ZDHHC20: variants seen among roughly 807,000 people sequenced by gnomAD.
The protein encoded by ZDHHC20 is zDHHC palmitoyltransferase 20.
A neutral mutation model predicts 57.8 loss-of-function variants in ZDHHC20; 43 were observed. The observed-to-expected ratio is 0.74, with a 90% confidence interval of 0.58 to 0.96. The LOEUF is 0.96. Among genes scored for constraint, ZDHHC20 ranks in the 40% least tolerant of loss-of-function variants. The pLI is 0.00. For missense variants in ZDHHC20, 391 were observed against 441.1 expected, an observed-to-expected ratio of 0.89 and a Z score of 1.02; for synonymous variants, 157 against 153.0, an observed-to-expected ratio of 1.03 and a Z score of -0.19.
chr13:21,407,605 T>TGTGCAGAA (rs1333109209), intron 4 of ZDHHC20, among the ~76,000 whole-genome samples: 2 of 152,228 alleles, frequency 1.3e-5, no homozygotes, highest in Non-Finnish European at 2.9e-5. Context: ...TTTCTTTTGC[T>TGTGCAGAA]GTGCAGAAGC....
In ZDHHC20 at chr13:21,459,289, A is replaced by G. The variant is rs1425994324; in HGVS notation, c.-118T>C. On this transcript the variant is annotated 5_prime_UTR_variant, in exon 1 of 13. Transcript: ENST00000400590. ...GGTCCAGCTCCCCCGCCTCCGAGGC[A>G]GGACTTGTGGGAGCAAAAGTCCGAG... The G allele has an allele frequency of 2.2e-5, 16 of 718,522 alleles. No homozygotes were observed. In the East Asian group the frequency reaches 5.1e-4, roughly 23 times the overall value. 44.5% of individuals were successfully genotyped at this position (718,522 alleles called of 1,614,324 possible).
At chr13:21,376,677 A>T (rs1024135872) in intron 12 of ZDHHC20, 22 bp from the exon 13 acceptor site, 1 of 1,381,436 alleles carries the variant, frequency 7.2e-7, no homozygotes, top group East Asian at 2.7e-5. Flanking sequence ...GAAACAAATT[A>T]TTGGTTAAAA....
Position 21,391,752 on chromosome 13 carries a change from A to G in ZDHHC20, c.697T>C (p.Trp233Arg). 1 of 1,612,054 alleles carries G rather than the reference A, an allele frequency of 6.2e-7. No individual in the cohort carries two copies. Among genetic ancestry groups the G allele is most frequent in the Non-Finnish European group, 8.5e-7 (1 of 1,179,654 alleles). ...GTTGTTCTATTTTTTCCAACTAGCCAGCAGTGGTAGCTGAAAAGTGAGAGG... is the reference window on the plus strand; with the variant it reads ...GTTGTTCTATTTTTTCCAACTAGCCGGCAGTGGTAGCTGAAAAGTGAGAGG... ...SVLSLFSYHC[W>R]LVGKNRTTIE... is the part of the protein sequence containing the mutation. The change falls in exon 8 of 13, where the codon TGG becomes CGG. Residue 233 changes from tryptophan (W) to arginine (R), a missense_variant. Trp to Arg is a moderately radical substitution (Grantham distance 101). This residue lies in a region of ZDHHC20 where 197 missense variants were observed against 220.8 expected (regional missense o/e 0.89). Coordinates refer to ENST00000400590, the MANE Select transcript of ZDHHC20 (RefSeq NM_001330059.2).
rs1161776892 is a variant in ZDHHC20 at position 21,376,556 on chromosome 13, T to TA, written c.*139dup. The TA allele has an allele frequency of 1.9e-6, 2 of 1,053,580 alleles. No individual in the cohort carries two copies. Among genetic ancestry groups the TA allele is most frequent in the Admixed American group, 3.6e-5 (1 of 28,066 alleles). The allele number at this position is 1,053,580 out of a possible 1,614,324, so 65.3% of individuals were successfully genotyped here. A position where few individuals can be genotyped will look rare whatever the true frequency, so the allele number is the denominator to read the frequency against. On this transcript the variant is annotated 3_prime_UTR_variant, in exon 13 of 13. Coordinates refer to ENST00000400590, the MANE Select transcript of ZDHHC20 (RefSeq NM_001330059.2). ...GGAACTGTACAAAGGCTTTCCGTTT[T>TA]AAAAAATATATCTTCTGTTATACTT... is the stretch of plus-strand genomic sequence containing the variant.
chr13:21,425,333 T>TA (rs1248459773), intron 2 of ZDHHC20, among the ~76,000 whole-genome samples: 2 of 152,078 alleles, frequency 1.3e-5, no homozygotes, highest in Non-Finnish European at 2.9e-5. Flanking sequence ...GAACTCATAT[T>TA]AAAAAAATCT....
chr13:21,456,765 G>T (rs982372104), intron 1 of ZDHHC20, among the ~76,000 whole-genome samples: 2 of 152,300 alleles, frequency 1.3e-5, no homozygotes, highest in Non-Finnish European at 1.5e-5. Flanking sequence ...CATAGTTATA[G>T]AATGTTTTAA....
intron 1 of ZDHHC20, among the ~76,000 whole-genome samples, chr13:21,438,959 T>C (rs1414318755): frequency 6.6e-6 from 1 of 152,230 alleles, no homozygotes; most frequent in Admixed American, 6.5e-5. Flanking sequence ...TGCTAGCATT[T>C]TTTTAGCAAA....
At chr13:21,381,953 G>GA (rs757868585) in intron 10 of ZDHHC20, 3 of 520,752 alleles carry the variant, frequency 5.8e-6, no homozygotes, top group African/African-American at 1.9e-5. Context: ...GATCTAAGGG[G>GA]AAAAAATGAT....
chr13:21,431,975 A>G (rs1437656369), intron 1 of ZDHHC20, among the ~76,000 whole-genome samples: 2 of 151,926 alleles, frequency 1.3e-5, no homozygotes, highest in Non-Finnish European at 2.9e-5. Context: ...TAATTTATCA[A>G]TTTTTTTCTT....
chr13:21,407,632 A>G (rs1466691201), intron 4 of ZDHHC20, among the ~76,000 whole-genome samples: 2 of 152,172 alleles, frequency 1.3e-5, no homozygotes, highest in Non-Finnish European at 2.9e-5. Context: ...ATTAGATGCC[A>G]ATTGTCAATT....
chr13:21,403,203 T>C (rs1440447025), intron 4 of ZDHHC20, among the ~76,000 whole-genome samples: 1 of 152,132 alleles, frequency 6.6e-6, no homozygotes, highest in African/African-American at 2.4e-5. Flanking sequence ...AGTGTTTTTT[T>C]CTATTATACC....
At chr13:21,434,334 A>ACAC (rs146605033) in intron 1 of ZDHHC20, among the ~76,000 whole-genome samples, 39,260 of 151,930 alleles carry the variant, frequency 0.26, 5,770 homozygotes, top group Non-Finnish European at 0.35. Context: ...CGAGATAATG[A>ACAC]CAATAACACT....
At chr13:21,416,273 A>G (rs1879965554) in intron 3 of ZDHHC20, among the ~76,000 whole-genome samples, 1 of 152,064 alleles carries the variant, frequency 6.6e-6, no homozygotes, top group Non-Finnish European at 1.5e-5. Flanking sequence ...GAAAATTTCA[A>G]GAGACATCAG....
At chr13:21,422,597 C>T (rs1880767428) in intron 2 of ZDHHC20, among the ~76,000 whole-genome samples, 1 of 151,844 alleles carries the variant, frequency 6.6e-6, no homozygotes, top group Non-Finnish European at 1.5e-5. Context: ...CTAATTCTAG[C>T]TCCTAAAATT....
intron 1 of ZDHHC20, among the ~76,000 whole-genome samples, chr13:21,436,142 G>A (rs866428865): frequency 2.0e-5 from 3 of 152,184 alleles, no homozygotes; most frequent in East Asian, 1.9e-4. Flanking sequence ...AAAGGAATCC[G>A]TGTGATGTGG....
At chr13:21,411,840 C>G (rs1879258644) in intron 4 of ZDHHC20, among the ~76,000 whole-genome samples, 2 of 152,166 alleles carry the variant, frequency 1.3e-5, no homozygotes, top group Admixed American at 1.3e-4. Context: ...CTGCTAGATG[C>G]AGGAAATATA....
At chr13:21,448,318 T>A (rs1179547170) in intron 1 of ZDHHC20, among the ~76,000 whole-genome samples, 1 of 50,010 alleles carries the variant, frequency 2.0e-5, no homozygotes, top group Non-Finnish European at 4.5e-5. Flanking sequence ...GGGAGGGAGG[T>A]GGGGGGGTCA....
rs149773341 is a variant in ZDHHC20, at chr13:21,436,625, A to G, written c.119-10947T>C. Among the ~76,000 whole-genome samples, 319 of 152,330 alleles carry G rather than the reference A, an allele frequency of 2.1e-3. 2 individuals carry two copies. The highest frequency in any genetic ancestry group is 7.5e-3 in the African/African-American group (310 of 41,576). On this transcript the variant is annotated intron_variant, in intron 1 of 12. Transcript: ENST00000400590. ...ATAAATGTGGTGTTTCTACCACTCC[A>G]CTGACCAGACATTCCTCTATCTCTC...
At chr13:21,449,647 C>CT (rs113924240) in intron 1 of ZDHHC20, among the ~76,000 whole-genome samples, 3,087 of 144,282 alleles carry the variant, frequency 0.021, 67 homozygotes, top group African/African-American at 0.062. Flanking sequence ...TATTATTATA[C>CT]TTTTTTTTTT....
Sources: allele counts gnomAD v4.1 joint callset (sites outside exome capture counted in the v4.1 genomes callset), GRCh38; gene constraint gnomAD v4.1.1; regional missense constraint gnomAD v4.1.1; transcripts MANE v1.5; gene names NCBI Gene and HGNC (gene_info 2026-07-23, HGNC 2026-07-21).